TYR: variants seen among roughly 807,000 people sequenced by gnomAD.
TYR encodes the protein tyrosinase.
Under a neutral mutation model 51.5 loss-of-function variants are expected in TYR, and 58 were observed. That is an observed-to-expected ratio of 1.13 (90% confidence interval 0.91 to 1.40). The LOEUF is 1.40. TYR is among the 40% of genes most tolerant of loss of function. TYR has a pLI of 0.00. For synonymous variants in TYR, 263 were observed against 235.2 expected (o/e 1.12, Z -1.08); for missense variants, 732 against 647.4 (o/e 1.13, Z -1.42).
At chr11:89,241,675 TA>T (rs1472097864) in intron 3 of TYR, among the ~76,000 whole-genome samples, 2 of 150,510 alleles carry the variant, frequency 1.3e-5, no homozygotes, top group African/African-American at 4.9e-5. Flanking sequence ...TACAATTAAC[TA>T]AAATTGTATC....
intron 4 of TYR, among the ~76,000 whole-genome samples, chr11:89,291,047 C>T (rs1247205845): frequency 1.3e-5 from 2 of 151,946 alleles, no homozygotes; most frequent in Non-Finnish European, 2.9e-5. Context: ...TCCTTAACTG[C>T]TACGTGCCTT....
chr11:89,270,508 C>T (rs1408925461), intron 3 of TYR, among the ~76,000 whole-genome samples: 2 of 151,842 alleles, frequency 1.3e-5, no homozygotes, highest in African/African-American at 4.8e-5. Flanking sequence ...ACTTCCAGCA[C>T]TCGGTGCAAT....
chr11:89,217,500 C>T (rs1166171318), intron 2 of TYR, among the ~76,000 whole-genome samples: 1 of 152,160 alleles, frequency 6.6e-6, no homozygotes, highest in African/African-American at 2.4e-5. Context: ...ATGGGCCAAG[C>T]CTTGAAGTGG....
intron 2 of TYR, 92 bp from the exon 3 acceptor site, chr11:89,227,730 CT>C: frequency 8.9e-7 from 1 of 1,118,428 alleles, no homozygotes; most frequent in Non-Finnish European, 1.3e-6. Flanking sequence ...TTGAAACAGT[CT>C]TCAAGTTATA....
chr11:89,248,149 C>T (rs1198107167), intron 3 of TYR, among the ~76,000 whole-genome samples: 1 of 152,062 alleles, frequency 6.6e-6, no homozygotes, highest in African/African-American at 2.4e-5. Flanking sequence ...AAAGTTACAG[C>T]TTTGATTTTT....
chr11:89,238,794 C>CA (rs1944155529), intron 3 of TYR, among the ~76,000 whole-genome samples: 1 of 152,080 alleles, frequency 6.6e-6, no homozygotes, highest in South Asian at 2.1e-4. Context: ...AGTATTATCA[C>CA]AAAAGGATGT....
chr11:89,191,409 A>T lies in TYR; in HGVS notation c.1027A>T (p.Thr343Ser). ...DKAANFSFRNTLEGFASPLTG... is the reference protein window; with the variant it reads ...DKAANFSFRNSLEGFASPLTG... ...AGCTGCCAATTTCAGCTTTAGAAAT[A>T]CACTGGAAGGTAATCTCTTTCTTTT... The change falls in exon 2 of 5, where the codon ACA (threonine) becomes TCA (serine). Residue 343 changes from threonine (T) to serine (S), a missense_variant. Physicochemically the swap from Thr to Ser is moderately conservative, Grantham distance 58 (BLOSUM62 1). Transcript: ENST00000263321. 1 of 1,613,454 alleles carries T rather than the reference A, an allele frequency of 6.2e-7. No homozygotes were observed. Among genetic ancestry groups the T allele is most frequent in the Non-Finnish European group, 8.5e-7 (1 of 1,179,478 alleles).
chr11:89,202,192 T>G lies in TYR; in HGVS notation c.1036+10774T>G, dbSNP rs79301407. The stretch of plus-strand genomic sequence containing the variant: ...TACAAAGAGCACACACCCACACACT[T>G]ATTTTTGTGGGGGCAGGGTAAAAGG... On this transcript the variant is annotated intron_variant, in intron 2 of 4. Coordinates refer to ENST00000263321, the MANE Select transcript of TYR (RefSeq NM_000372.5). Among the ~76,000 whole-genome samples the G allele has an allele frequency of 7.8e-3, 1,181 of 152,144 alleles. 11 individuals carry two copies. Among genetic ancestry groups the G allele is most frequent in the Middle Eastern group, 0.024 (7 of 290 alleles).
At chr11:89,249,188 G>A (rs1027983678) in intron 3 of TYR, among the ~76,000 whole-genome samples, 5 of 152,042 alleles carry the variant, frequency 3.3e-5, no homozygotes, top group African/African-American at 1.2e-4. Context: ...TTAGATACAT[G>A]TATTTGGTAG....
Position 89,197,441 on chromosome 11 carries a change from A to G in TYR, c.1036+6023A>G, listed in dbSNP as rs184852976. 1.8e-3 allele frequency among the ~76,000 whole-genome samples: 276 copies of G among 152,304 alleles called. 1 individual carries two copies. The highest frequency in any genetic ancestry group is 2.0e-3 in the Non-Finnish European group (133 of 68,018). On this transcript the variant is annotated intron_variant, in intron 2 of 4. Coordinates refer to ENST00000263321, the MANE Select transcript of TYR (RefSeq NM_000372.5). The stretch of plus-strand genomic sequence containing the variant: ...CGTAATACATTAAATGTTAGCTGTC[A>G]TCACCATAAAAACCCAATGTTTAAA...
chr11:89,266,916 C>G (rs952349126), intron 3 of TYR, among the ~76,000 whole-genome samples: 5 of 151,828 alleles, frequency 3.3e-5, no homozygotes, highest in African/African-American at 1.2e-4. Context: ...GGGGAGGCTA[C>G]AAGTGTTAGA....
chr11:89,196,793 G>A (rs1455808966), intron 2 of TYR, among the ~76,000 whole-genome samples: 1 of 152,016 alleles, frequency 6.6e-6, no homozygotes, highest in East Asian at 1.9e-4. Flanking sequence ...ACCCATCAAG[G>A]GAAAACCTAC....
chr11:89,191,530 A>G, intron 2 of TYR, 112 bp downstream of exon 2: 2 of 1,024,190 alleles, frequency 2.0e-6, no homozygotes, highest in Non-Finnish European at 3.0e-6. Context: ...TTGACCAAGA[A>G]TATGTGTTGT....
chr11:89,265,809 T>C (rs1338409782), intron 3 of TYR, among the ~76,000 whole-genome samples: 1 of 152,092 alleles, frequency 6.6e-6, no homozygotes, highest in Non-Finnish European at 1.5e-5. Flanking sequence ...TATTTTTAAC[T>C]CCAGATCGAA....
chr11:89,289,261 T>C (rs755912727), intron 4 of TYR, among the ~76,000 whole-genome samples: 5 of 152,078 alleles, frequency 3.3e-5, no homozygotes, highest in Non-Finnish European at 5.9e-5. Flanking sequence ...GGAAACACTG[T>C]TCACAGTAAC....
At position 89,245,950 on chromosome 11, in the gene TYR, C is replaced by A. The variant is rs941370470; in HGVS notation, c.1184+17980C>A. ...AAAAAAAACAAACAAACAAAAAAAA[C>A]AAAACAGAATCTGAAGAGGAACAAA... On this transcript the variant is annotated intron_variant, in intron 3 of 4. Transcript: ENST00000263321. Among the ~76,000 whole-genome samples the A allele has an allele frequency of 3.1e-3, 475 of 151,030 alleles. 1 individual carries two copies. The highest frequency in any genetic ancestry group is 0.011 in the African/African-American group (434 of 41,204).
chr11:89,277,848 C>T (rs4987235), intron 3 of TYR, among the ~76,000 whole-genome samples: 151 of 151,768 alleles, frequency 9.9e-4, no homozygotes, highest in African/African-American at 3.6e-3. Context: ...TCCACCAACT[C>T]CTACTCTTCC....
chr11:89,178,766 T>C lies in TYR; in HGVS notation c.813T>C (p.Ser271=). 1 of 1,614,072 alleles carries C rather than the reference T, an allele frequency of 6.2e-7. No homozygotes were observed. Among genetic ancestry groups the C allele is most frequent in the Non-Finnish European group, 8.5e-7 (1 of 1,180,022 alleles). ...TCAGCCCAGCATCATTCTTCTCCTC[T>C]TGGCAGGTAAGATATGCTAGATATA... ...NLLSPASFFS[S]WQIVCSRLEE... The change falls in exon 1 of 5, where the codon TCT becomes TCC. Residue 271 remains serine, a synonymous_variant. Coordinates refer to ENST00000263321, the MANE Select transcript of TYR (RefSeq NM_000372.5).
chr11:89,295,207 G>A lies in TYR; in HGVS notation c.1431G>A (p.Trp477Ter). 1 of 1,613,958 alleles carries A rather than the reference G, an allele frequency of 6.2e-7. No homozygotes were observed. Among genetic ancestry groups the A allele is most frequent in the Non-Finnish European group, 8.5e-7 (1 of 1,179,846 alleles). The part of the protein sequence containing the change: ...YLEQASRIWS[W>*]LLGAAMVGAV... ...AACAAGCGAGTCGGATCTGGTCATG[G>A]CTCCTTGGGGCGGCGATGGTAGGGG... The change falls in exon 5 of 5, where the codon TGG (tryptophan) becomes TGA (stop). Residue 477 changes from tryptophan (W) to a stop codon, truncating the protein, a stop_gained. Transcript: ENST00000263321. LOFTEE classifies it high-confidence loss of function.
Sources: gnomAD v4.1 joint callset for allele counts (sites outside exome capture counted in the v4.1 genomes callset) on GRCh38, gnomAD v4.1.1 for gene constraint, MANE v1.5 for transcripts, NCBI Gene and HGNC (gene_info 2026-07-23, HGNC 2026-07-21) for gene names.